Variants in RCAN2 observed in about 807,000 individuals in gnomAD.
The protein encoded by RCAN2 is calcipressin-2.
A neutral mutation model predicts 23.6 loss-of-function variants in RCAN2; 9 were observed. The observed-to-expected ratio is 0.38, with a 90% CI of 0.23 to 0.67. The LOEUF is 0.67. RCAN2 is among the 30% of genes least tolerant of loss of function. The pLI is 0.51. For synonymous variants in RCAN2, 109 were observed against 115.7 expected (o/e 0.94, Z 0.37); for missense variants, 273 against 302.3 (o/e 0.90, Z 0.72).
Position 46,371,766 on chromosome 6 carries a change from A to G in RCAN2, c.225+84986T>C, listed in dbSNP as rs540208595. On this transcript the variant is annotated intron_variant, in intron 2 of 4. Transcript: ENST00000371374. ...ATGTGTCAATGAATTGAATATGGGA[A>G]AGTGGATACACCTACAAAAATGGGG... Among the ~76,000 whole-genome samples, 45 of 152,328 alleles carry G rather than the reference A, an allele frequency of 3.0e-4. 1 individual carries two copies. Among genetic ancestry groups the G allele is most frequent in the Middle Eastern group, 6.8e-3 (2 of 294 alleles).
chr6:46,368,759 G>T (rs1899408), intron 2 of RCAN2, among the ~76,000 whole-genome samples: 62,078 of 152,056 alleles, frequency 0.41, 15,620 homozygotes, highest in East Asian at 0.59. Flanking sequence ...TTAGGGCTGG[G>T]AGTTGCCCTG....
intron 2 of RCAN2, among the ~76,000 whole-genome samples, chr6:46,370,050 C>T (rs1252141897): frequency 6.6e-6 from 1 of 152,166 alleles, no homozygotes; most frequent in Non-Finnish European, 1.5e-5. Flanking sequence ...GGTCTCAGGT[C>T]TGTGGTTAAC....
chr6:46,246,746 A>G lies in RCAN2; in HGVS notation c.571+2T>C, dbSNP rs1413539706. 1.9e-6 allele frequency: 3 copies of G among 1,612,086 alleles called. No homozygotes were observed. Among genetic ancestry groups the G allele is most frequent in the Non-Finnish European group, 2.5e-6 (3 of 1,179,010 alleles). On this transcript the variant is annotated splice_donor_variant, in intron 4 of 4. Transcript: ENST00000371374. LOFTEE classifies it high-confidence loss of function. ...ATTTTTAAAATGGACCGCAAAGCTT[A>G]CCTGGTCCTAGTTTGGCCACAGCAT... is the stretch of plus-strand genomic sequence containing the variant.
chr6:46,382,469 C>T (rs1440252747), intron 2 of RCAN2, among the ~76,000 whole-genome samples: 1 of 151,998 alleles, frequency 6.6e-6, no homozygotes, highest in Non-Finnish European at 1.5e-5. Flanking sequence ...ATCACAATTC[C>T]CAGGAAAATG....
intron 2 of RCAN2, among the ~76,000 whole-genome samples, chr6:46,389,511 A>T (rs1765866653): frequency 6.6e-6 from 1 of 152,218 alleles, no homozygotes; most frequent in South Asian, 2.1e-4. Context: ...CTGGGGTACC[A>T]GCCTCCGCAC....
intron 4 of RCAN2, among the ~76,000 whole-genome samples, chr6:46,241,937 T>C (rs752617333): frequency 2.6e-5 from 4 of 152,244 alleles, no homozygotes; most frequent in Non-Finnish European, 5.9e-5. Flanking sequence ...TTTTCTAATG[T>C]ATAATACCTA....
intron 2 of RCAN2, among the ~76,000 whole-genome samples, chr6:46,300,715 T>C: frequency 6.6e-6 from 1 of 152,048 alleles, no homozygotes; most frequent in African/African-American, 2.4e-5. Flanking sequence ...GACTGACAGC[T>C]GCATATTATT....
chr6:46,391,193 C>A (rs1765924506), intron 2 of RCAN2, among the ~76,000 whole-genome samples: 1 of 152,166 alleles, frequency 6.6e-6, no homozygotes, highest in African/African-American at 2.4e-5. Flanking sequence ...ACAGTTCATG[C>A]AGCTGAGATC....
At chr6:46,337,433 T>C (rs1220328085) in intron 2 of RCAN2, among the ~76,000 whole-genome samples, 7 of 152,222 alleles carry the variant, frequency 4.6e-5, no homozygotes, top group Non-Finnish European at 7.3e-5. Flanking sequence ...GCCTAGACTT[T>C]AGTTTGAGGT....
intron 2 of RCAN2, among the ~76,000 whole-genome samples, chr6:46,274,744 G>A (rs1465733256): frequency 6.6e-6 from 1 of 152,218 alleles, no homozygotes. Context: ...TAGGCAGAGA[G>A]GTCCCGAGAC....
At chr6:46,473,841 A>C (rs971634978) in intron 1 of RCAN2, among the ~76,000 whole-genome samples, 4 of 152,218 alleles carry the variant, frequency 2.6e-5, no homozygotes, top group African/African-American at 9.6e-5. Flanking sequence ...TCAGGAAAGG[A>C]ATGAGGGTAC....
rs771785361 is a variant in RCAN2, at chr6:46,448,501, CA to C, written c.225+8250del. Among the ~76,000 whole-genome samples, 7 of 151,852 alleles carry C rather than the reference CA, an allele frequency of 4.6e-5. No individual in the cohort carries two copies. The East Asian group carries it at 9.6e-4, about 21-fold the overall frequency. Reference sequence around the variant, plus strand: ...TACAAAGTCAGTATTACCCTGATACCAAAGTCAGACAACTACACTACAAGAC... The same window carrying C: ...TACAAAGTCAGTATTACCCTGATACCAAGTCAGACAACTACACTACAAGAC... On this transcript the variant is annotated intron_variant, in intron 2 of 4. Transcript: ENST00000371374.
At chr6:46,432,888 C>G (rs772838985) in intron 2 of RCAN2, among the ~76,000 whole-genome samples, 1 of 152,156 alleles carries the variant, frequency 6.6e-6, no homozygotes, top group African/African-American at 2.4e-5. Flanking sequence ...AGTCAAGACA[C>G]ATATTCACTA....
intron 2 of RCAN2, among the ~76,000 whole-genome samples, chr6:46,301,942 A>C (rs1412250278): frequency 6.6e-6 from 1 of 152,080 alleles, no homozygotes; most frequent in Non-Finnish European, 1.5e-5. Context: ...AGCCACTGGA[A>C]GGTTTTGTGC....
intron 2 of RCAN2, among the ~76,000 whole-genome samples, chr6:46,277,471 G>A (rs1767753188): frequency 6.6e-6 from 1 of 151,968 alleles, no homozygotes; most frequent in Non-Finnish European, 1.5e-5. Flanking sequence ...TGGGCCAGTT[G>A]GGGTGGGTGG....
chr6:46,452,957 T>C (rs1166100281), intron 2 of RCAN2, among the ~76,000 whole-genome samples: 2 of 152,162 alleles, frequency 1.3e-5, no homozygotes, highest in African/African-American at 4.8e-5. Context: ...AAGTCACCTT[T>C]CAGGTTTCTT....
chr6:46,360,529 G>A (rs1422085221), intron 2 of RCAN2, among the ~76,000 whole-genome samples: 6 of 81,158 alleles, frequency 7.4e-5, no homozygotes, highest in East Asian at 4.4e-4. Flanking sequence ...GCAAGACTCC[G>A]TCTCAAAAAA....
At chr6:46,324,408 G>C (rs116081998) in intron 2 of RCAN2, among the ~76,000 whole-genome samples, 1,581 of 152,282 alleles carry the variant, frequency 0.01, 19 homozygotes, top group African/African-American at 0.036. Context: ...AAGCACCAGG[G>C]TGTCACCTGC....
At chr6:46,305,329 C>T (rs1297555478) in intron 2 of RCAN2, among the ~76,000 whole-genome samples, 2 of 152,096 alleles carry the variant, frequency 1.3e-5, no homozygotes, top group African/African-American at 4.8e-5. Context: ...CACGTAGCTT[C>T]TCAGGCTTTC....
Sources: allele counts gnomAD v4.1 joint callset (sites outside exome capture counted in the v4.1 genomes callset), GRCh38; gene constraint gnomAD v4.1.1; transcripts MANE v1.5; gene names NCBI Gene and HGNC (gene_info 2026-07-23, HGNC 2026-07-21).